TFDP2: variants seen among roughly 807,000 people sequenced by gnomAD.
TFDP2 encodes transcription factor Dp-2.
TFDP2 carries 17 observed loss-of-function variants against 59.3 expected under a neutral mutation model. The ratio of observed to expected loss-of-function variants is 0.29; its 90% CI spans 0.20 to 0.43. TFDP2 has a LOEUF of 0.43. TFDP2 is among the 20% of genes least tolerant of loss of function. The pLI is 1.00. For synonymous variants in TFDP2, 180 were observed against 194.7 expected (o/e 0.92, Z 0.63); for missense variants, 391 against 528.8 (o/e 0.74, Z 2.56).
chr3:142,042,007 C>T (rs541176468), intron 3 of TFDP2, among the ~76,000 whole-genome samples: 12 of 152,156 alleles, frequency 7.9e-5, no homozygotes, highest in African/African-American at 1.2e-4. Flanking sequence ...TTCTGTTCTA[C>T]TGATATATGT....
chr3:142,085,078 A>G (rs1376940236), intron 3 of TFDP2, among the ~76,000 whole-genome samples: 1 of 151,924 alleles, frequency 6.6e-6, no homozygotes, highest in Non-Finnish European at 1.5e-5. Flanking sequence ...GTGCCACCAC[A>G]CTCGGCTAAT....
At chr3:142,024,618 T>C (rs561404539) in intron 3 of TFDP2, among the ~76,000 whole-genome samples, 32 of 152,134 alleles carry the variant, frequency 2.1e-4, no homozygotes, top group Non-Finnish European at 4.7e-4. Flanking sequence ...TTACAATAAA[T>C]AGGTAAGGCT....
chr3:142,027,823 G>T (rs1158832240), intron 3 of TFDP2, among the ~76,000 whole-genome samples: 2 of 152,058 alleles, frequency 1.3e-5, no homozygotes, highest in African/African-American at 4.8e-5. Flanking sequence ...ATAGCATCTT[G>T]TATGCTATAT....
intron 6 of TFDP2, among the ~76,000 whole-genome samples, chr3:141,990,948 C>T (rs1942698946): frequency 6.6e-6 from 1 of 152,066 alleles, no homozygotes; most frequent in Non-Finnish European, 1.5e-5. Flanking sequence ...ATCCCAGCTA[C>T]TTGGGAGGCT....
At position 141,955,797 on chromosome 3, in the gene TFDP2, A is replaced by G. The variant is rs941295486; in HGVS notation, c.1052-2781T>C. On this transcript the variant is annotated intron_variant, in intron 11 of 12. Coordinates refer to ENST00000489671, the MANE Select transcript of TFDP2 (RefSeq NM_001178139.2). ...AACAAAAGAAAGCAAAGGCAAAAAC[A>G]CTGCTTATATATTCATTTCTTTTTT... Among the ~76,000 whole-genome samples, 7 of 152,174 alleles carry G rather than the reference A, an allele frequency of 4.6e-5. No individual in the cohort carries two copies. The South Asian group carries it at 1.5e-3, about 32-fold the overall frequency.
At position 141,947,955 on chromosome 3, in the gene TFDP2, A is replaced by C. The variant is rs1935433491; in HGVS notation, c.*4558T>G. On this transcript the variant is annotated 3_prime_UTR_variant, in exon 13 of 13. Coordinates refer to ENST00000489671, the MANE Select transcript of TFDP2 (RefSeq NM_001178139.2). ...TGCTGCTTTCTCCACAGCACTCATCAATCAATCTGCACGTGTTCCATCTGT... is the reference window on the plus strand; with the variant it reads ...TGCTGCTTTCTCCACAGCACTCATCCATCAATCTGCACGTGTTCCATCTGT... 1 of 152,254 alleles carries C rather than the reference A, an allele frequency of 6.6e-6. No individual in the cohort carries two copies. The highest frequency in any genetic ancestry group is 1.5e-5 in the Non-Finnish European group (1 of 68,082). 9.4% of individuals were successfully genotyped at this position (152,254 alleles called of 1,614,324 possible). A position where few individuals can be genotyped will look rare whatever the true frequency, so the allele number is the denominator to read the frequency against.
intron 3 of TFDP2, among the ~76,000 whole-genome samples, chr3:142,019,311 G>A (rs1400353638): frequency 2.6e-5 from 4 of 152,012 alleles, no homozygotes; most frequent in Admixed American, 6.5e-5. Flanking sequence ...TAACCCGCCC[G>A]CCTCAGCCTC....
intron 3 of TFDP2, among the ~76,000 whole-genome samples, chr3:142,030,156 A>C (rs1262255841): frequency 6.6e-6 from 1 of 152,240 alleles, no homozygotes; most frequent in Non-Finnish European, 1.5e-5. Flanking sequence ...TTGCCAACAC[A>C]TATTATACTT....
chr3:142,148,082 G>T (rs1577088258), intron 1 of TFDP2, among the ~76,000 whole-genome samples: 1 of 146,944 alleles, frequency 6.8e-6, no homozygotes, highest in African/African-American at 2.5e-5. Context: ...ATTAGGTGAA[G>T]ATAAATTCAA....
chr3:142,099,508 C>G (rs2061259984), intron 2 of TFDP2, among the ~76,000 whole-genome samples: 1 of 151,922 alleles, frequency 6.6e-6, no homozygotes, highest in Admixed American at 6.6e-5. Flanking sequence ...TTGAGACCAG[C>G]CTGACCAACA....
At chr3:141,987,265 T>TTGTGTGTG (rs56988461) in intron 6 of TFDP2, among the ~76,000 whole-genome samples, 7 of 132,814 alleles carry the variant, frequency 5.3e-5, no homozygotes, top group African/African-American at 1.5e-4. Flanking sequence ...GCTGTCAGAT[T>TTGTGTGTG]TGTGTGTGTG....
At chr3:142,143,038 C>A (rs986035834) in intron 1 of TFDP2, among the ~76,000 whole-genome samples, 3 of 152,236 alleles carry the variant, frequency 2.0e-5, no homozygotes, top group Admixed American at 1.3e-4. Context: ...GAGTTCAAGA[C>A]CAGTCTGGCC....
chr3:142,088,882 C>T (rs2060902985), intron 3 of TFDP2, among the ~76,000 whole-genome samples: 1 of 151,494 alleles, frequency 6.6e-6, no homozygotes, highest in Non-Finnish European at 1.5e-5. Context: ...GGCTGGAGTG[C>T]AATGACGTGA....
At chr3:142,012,588 T>C (rs971833640) in intron 3 of TFDP2, among the ~76,000 whole-genome samples, 4 of 152,214 alleles carry the variant, frequency 2.6e-5, no homozygotes, top group African/African-American at 7.2e-5. Flanking sequence ...GAATATTATA[T>C]AGTCCCTAAA....
chr3:142,072,181 T>A (rs985414343), intron 3 of TFDP2, among the ~76,000 whole-genome samples: 1 of 152,220 alleles, frequency 6.6e-6, no homozygotes, highest in South Asian at 2.1e-4. Flanking sequence ...ATGCTTACTA[T>A]GTGCTACGCA....
intron 3 of TFDP2, among the ~76,000 whole-genome samples, chr3:142,045,757 C>A (rs2108469448): frequency 6.6e-6 from 1 of 151,412 alleles, no homozygotes; most frequent in South Asian, 2.1e-4. Context: ...GGACTACAGG[C>A]AAATGCCACC....
chr3:141,971,660 G>A (rs1939785234), intron 8 of TFDP2, among the ~76,000 whole-genome samples: 1 of 152,132 alleles, frequency 6.6e-6, no homozygotes, highest in Non-Finnish European at 1.5e-5. Flanking sequence ...ATGCCACCAG[G>A]CCAAAACTGA....
intron 6 of TFDP2, among the ~76,000 whole-genome samples, chr3:141,979,914 GT>G (rs1191312856): frequency 4.2e-4 from 61 of 144,884 alleles, no homozygotes; most frequent in Admixed American, 9.0e-4. Flanking sequence ...CTGTTTTTGG[GT>G]TTTTTTTTTT....
chr3:141,978,001 C>T (rs1018608989), intron 7 of TFDP2, among the ~76,000 whole-genome samples: 5 of 150,366 alleles, frequency 3.3e-5, no homozygotes, highest in African/African-American at 7.3e-5. Flanking sequence ...TGAGCCACCG[C>T]GCCTGGCCAA....
Sources: allele counts gnomAD v4.1 joint callset (sites outside exome capture counted in the v4.1 genomes callset), GRCh38; gene constraint gnomAD v4.1.1; transcripts MANE v1.5; gene names NCBI Gene and HGNC (gene_info 2026-07-23, HGNC 2026-07-21).